The following ADGRB3 variants were observed in gnomAD, a reference collection of about 807,000 sequenced individuals.
ADGRB3 encodes the protein adhesion G protein-coupled receptor B3, also known as brain-specific angiogenesis inhibitor 3.
ADGRB3 carries 37 observed loss-of-function variants against 193.4 expected under a neutral mutation model. That is an observed-to-expected ratio of 0.19 (90% CI 0.15 to 0.25). The LOEUF (loss-of-function observed/expected upper bound fraction) is 0.25, where lower values mean the gene tolerates loss of function less well. Among genes scored for constraint, ADGRB3 ranks in the 10% least tolerant of loss-of-function variants. The pLI, the probability that ADGRB3 is intolerant of heterozygous loss-of-function variation, is 1.00. For missense variants in ADGRB3, 1,637 were observed against 1,852.9 expected, an observed-to-expected ratio of 0.88 and a Z score of 2.14; for synonymous variants, 690 against 644.2, an observed-to-expected ratio of 1.07 and a Z score of -1.08.
At chr6:69,173,518 A>G (rs1212119418) in intron 17 of ADGRB3, among the ~76,000 whole-genome samples, 1 of 152,208 alleles carries the variant, frequency 6.6e-6, no homozygotes, top group African/African-American at 2.4e-5. Flanking sequence ...CAGTAGTCTA[A>G]ATGAGAAAGA....
At chr6:69,303,723 C>T (rs1002424838) in intron 20 of ADGRB3, among the ~76,000 whole-genome samples, 3 of 151,892 alleles carry the variant, frequency 2.0e-5, no homozygotes, top group African/African-American at 7.2e-5. Context: ...TACACAATCA[C>T]AGATATTATT....
At chr6:68,833,775 A>G (rs991221221) in intron 3 of ADGRB3, among the ~76,000 whole-genome samples, 1 of 151,974 alleles carries the variant, frequency 6.6e-6, no homozygotes, top group African/African-American at 2.4e-5. Context: ...ACATCATTTA[A>G]CCCTATATTA....
chr6:69,018,409 G>A lies in ADGRB3; in HGVS notation c.2017G>A (p.Glu673Lys). 3.7e-6 allele frequency: 6 copies of A among 1,603,338 alleles called. No individual in the cohort carries two copies. Among genetic ancestry groups the A allele is most frequent in the Non-Finnish European group, 4.3e-6 (5 of 1,172,150 alleles). Residue 673 changes from glutamate to lysine, a missense_variant, in exon 13 of 32, where the codon GAG becomes AAG. Transcript: ENST00000370598. Reference protein sequence around the residue: ...DAQQIYPGSIELMQVIEDFIH... With the variant: ...DAQQIYPGSIKLMQVIEDFIH... Reference sequence around the variant, plus strand: ...TTTCTAGATTTATCCAGGGTCAATAGAGTTAATGCAGGTGATTGAAGATTT... The same window carrying A: ...TTTCTAGATTTATCCAGGGTCAATAAAGTTAATGCAGGTGATTGAAGATTT...
At chr6:69,237,979 C>A (rs1766305547) in intron 19 of ADGRB3, among the ~76,000 whole-genome samples, 1 of 151,966 alleles carries the variant, frequency 6.6e-6, no homozygotes, top group South Asian at 2.1e-4. Context: ...AAGGGAATTT[C>A]TTTTTATATT....
intron 3 of ADGRB3, among the ~76,000 whole-genome samples, chr6:68,740,032 C>T (rs999255206): frequency 6.6e-6 from 1 of 152,018 alleles, no homozygotes; most frequent in Non-Finnish European, 1.5e-5. Flanking sequence ...GCCAATTATT[C>T]AGAAGTGGCA....
chr6:68,758,276 A>G (rs1187045050), intron 3 of ADGRB3, among the ~76,000 whole-genome samples: 2 of 152,050 alleles, frequency 1.3e-5, no homozygotes, highest in African/African-American at 2.4e-5. Context: ...CGACTCCACT[A>G]TCACCACTAT....
intron 17 of ADGRB3, among the ~76,000 whole-genome samples, chr6:69,168,265 A>T (rs894598294): frequency 6.6e-6 from 1 of 152,138 alleles, no homozygotes; most frequent in Non-Finnish European, 1.5e-5. Context: ...GCTGGGTTCA[A>T]TTTCATCAGC....
chr6:68,684,474 A>T (rs1045765420), intron 3 of ADGRB3, among the ~76,000 whole-genome samples: 3 of 152,152 alleles, frequency 2.0e-5, no homozygotes, highest in Admixed American at 6.5e-5. Context: ...GACAACACTT[A>T]AAAAATACAG....
At chr6:68,981,807 C>CTTTTGG (rs1252763923) in intron 10 of ADGRB3, among the ~76,000 whole-genome samples, 1 of 151,262 alleles carries the variant, frequency 6.6e-6, no homozygotes, top group Non-Finnish European at 1.5e-5. Context: ...GATCACAACA[C>CTTTTGG]TTTTGGGGTT....
At chr6:68,785,219 A>C (rs947551931) in intron 3 of ADGRB3, among the ~76,000 whole-genome samples, 1 of 151,950 alleles carries the variant, frequency 6.6e-6, no homozygotes. Context: ...GGTTTGTTAC[A>C]TATGTATGCA....
At chr6:68,822,443 T>G (rs918930480) in intron 3 of ADGRB3, among the ~76,000 whole-genome samples, 1 of 151,946 alleles carries the variant, frequency 6.6e-6, no homozygotes, top group African/African-American at 2.4e-5. Context: ...TTCTCATATT[T>G]TGTTCCACTT....
chr6:68,998,122 A>G (rs1488595618), intron 11 of ADGRB3, among the ~76,000 whole-genome samples: 1 of 152,210 alleles, frequency 6.6e-6, no homozygotes, highest in Non-Finnish European at 1.5e-5. Context: ...GTAGCTTGAC[A>G]ACTTCATAAA....
chr6:69,039,742 C>CTTTT (rs34543678), intron 13 of ADGRB3, among the ~76,000 whole-genome samples: 2 of 130,236 alleles, frequency 1.5e-5, no homozygotes, highest in Non-Finnish European at 3.2e-5. Flanking sequence ...TTGTTTTTTT[C>CTTTT]TTTTTTTTTT....
At chr6:69,194,928 G>C (rs1355516178) in intron 17 of ADGRB3, among the ~76,000 whole-genome samples, 1 of 152,048 alleles carries the variant, frequency 6.6e-6, no homozygotes, top group Non-Finnish European at 1.5e-5. Context: ...TATATAGCAA[G>C]CATTCAATAA....
intron 3 of ADGRB3, among the ~76,000 whole-genome samples, chr6:68,840,563 C>A (rs759575146): frequency 6.6e-6 from 1 of 151,608 alleles, no homozygotes; most frequent in Non-Finnish European, 1.5e-5. Flanking sequence ...GTGCTGGTGG[C>A]TGCCATGGGG....
intron 3 of ADGRB3, among the ~76,000 whole-genome samples, chr6:68,730,913 C>T (rs73745828): frequency 0.037 from 5,592 of 151,586 alleles, 193 homozygotes; most frequent in African/African-American, 0.089. Context: ...GCACTGATGC[C>T]TGCTTGGATA....
intron 20 of ADGRB3, among the ~76,000 whole-genome samples, chr6:69,257,549 A>C (rs1766807366): frequency 6.6e-6 from 1 of 152,204 alleles, no homozygotes; most frequent in South Asian, 2.1e-4. Context: ...CCTGTAAATA[A>C]AAAGATGATG....
In ADGRB3 at chr6:68,906,988, T is replaced by C. The variant is rs556333892; in HGVS notation, c.758-23571T>C. Among the ~76,000 whole-genome samples, 11 of 152,062 alleles carry C rather than the reference T, an allele frequency of 7.2e-5. No individual in the cohort carries two copies. The East Asian group carries it at 1.9e-3, about 27-fold the overall frequency. On this transcript the variant is annotated intron_variant, in intron 3 of 31. Transcript: ENST00000370598. ...TATCCTGCCACTTAACTGTGAGACA[T>C]TAGGCAAGTTTATTCATCTTTCTAA... is the stretch of plus-strand genomic sequence containing the variant.
intron 6 of ADGRB3, among the ~76,000 whole-genome samples, chr6:68,944,513 G>A (rs1767724228): frequency 6.6e-6 from 1 of 152,084 alleles, no homozygotes; most frequent in Admixed American, 6.6e-5. Context: ...GGATTATGAA[G>A]TCTATACAGT....
Sources: gnomAD v4.1 joint callset for allele counts (sites outside exome capture counted in the v4.1 genomes callset) on GRCh38, gnomAD v4.1.1 for gene constraint, MANE v1.5 for transcripts, NCBI Gene and HGNC (gene_info 2026-07-23, HGNC 2026-07-21) for gene names.